Variants in PRKD1 observed in about 807,000 individuals in gnomAD.
PRKD1 encodes serine/threonine-protein kinase D1.
PRKD1 carries 63 observed loss-of-function variants against 95.9 expected under a neutral mutation model. The ratio of observed to expected loss-of-function variants is 0.66; its 90% CI spans 0.54 to 0.81. The LOEUF (loss-of-function observed/expected upper bound fraction) is 0.81, where lower values mean the gene tolerates loss of function less well. PRKD1 is among the 30% of genes least tolerant of loss of function. The probability of loss-of-function intolerance (pLI) is 0.00; values close to 1 mark genes in which losing one functional copy is unlikely to be tolerated. For missense variants in PRKD1, 1,048 were observed against 1,165.3 expected, an observed-to-expected ratio of 0.90 and a Z score of 1.47; for synonymous variants, 425 against 423.1, an observed-to-expected ratio of 1.00 and a Z score of -0.05.
intron 1 of PRKD1, among the ~76,000 whole-genome samples, chr14:29,849,577 C>A (rs72660432): frequency 0.21 from 28,838 of 139,052 alleles, 2,893 homozygotes; most frequent in South Asian, 0.26. Flanking sequence ...ACAACAACAA[C>A]AAAAAAAAAA....
intron 1 of PRKD1, among the ~76,000 whole-genome samples, chr14:29,799,705 A>G (rs955406837): frequency 6.6e-6 from 1 of 152,040 alleles, no homozygotes; most frequent in Admixed American, 6.6e-5. Flanking sequence ...TTATTTGCCA[A>G]TTCCTCATTT....
intron 1 of PRKD1, among the ~76,000 whole-genome samples, chr14:29,739,513 A>G (rs1172866458): frequency 2.0e-5 from 3 of 152,214 alleles, no homozygotes; most frequent in Non-Finnish European, 4.4e-5. Context: ...ATGGGAAAAG[A>G]TATCTAAGAC....
chr14:29,908,967 G>A (rs894141653), intron 1 of PRKD1, among the ~76,000 whole-genome samples: 3 of 152,208 alleles, frequency 2.0e-5, no homozygotes, highest in Non-Finnish European at 4.4e-5. Context: ...GTCAGAGCTG[G>A]CTCCCTCTGC....
At chr14:29,687,331 G>A (rs1333755789) in intron 2 of PRKD1, among the ~76,000 whole-genome samples, 1 of 152,190 alleles carries the variant, frequency 6.6e-6, no homozygotes, top group Admixed American at 6.5e-5. Context: ...GGAATCTTCA[G>A]ATTTTTGATG....
At chr14:29,772,304 C>A (rs1199570173) in intron 1 of PRKD1, among the ~76,000 whole-genome samples, 1 of 152,122 alleles carries the variant, frequency 6.6e-6, no homozygotes, top group African/African-American at 2.4e-5. Flanking sequence ...GTGATTAGTA[C>A]CCCTATAAAT....
intron 13 of PRKD1, among the ~76,000 whole-genome samples, chr14:29,603,162 T>A (rs1893583311): frequency 6.6e-6 from 1 of 152,230 alleles, no homozygotes; most frequent in Non-Finnish European, 1.5e-5. Flanking sequence ...CTTGCTCTTT[T>A]ATGAGCATAT....
chr14:29,793,172 A>G (rs1889624314), intron 1 of PRKD1, among the ~76,000 whole-genome samples: 1 of 152,034 alleles, frequency 6.6e-6, no homozygotes, highest in African/African-American at 2.4e-5. Flanking sequence ...TAGGAGCACT[A>G]TAATTTTATT....
chr14:29,745,916 T>A (rs1317984451), intron 1 of PRKD1, among the ~76,000 whole-genome samples: 1 of 152,210 alleles, frequency 6.6e-6, no homozygotes, highest in Non-Finnish European at 1.5e-5. Context: ...AGATTATCTC[T>A]CTTCCTATTC....
At chr14:29,718,315 G>A (rs1376581435) in intron 2 of PRKD1, among the ~76,000 whole-genome samples, 1 of 152,060 alleles carries the variant, frequency 6.6e-6, no homozygotes, top group Non-Finnish European at 1.5e-5. Flanking sequence ...TTTTCCCTGA[G>A]CTCTCACAGG....
rs747904605 is a variant in PRKD1 at position 29,850,489 on chromosome 14, C to T, written c.264+76760G>A. On this transcript the variant is annotated intron_variant, in intron 1 of 17. Transcript: ENST00000331968. ...ACACACACACACACACATATACACA[C>T]ACACACACAGTACCTAGGAATACAT... is the stretch of plus-strand genomic sequence containing the variant. Among the ~76,000 whole-genome samples, 85 of 151,534 alleles carry T rather than the reference C, an allele frequency of 5.6e-4. 1 individual carries two copies. Among genetic ancestry groups the T allele is most frequent in the Non-Finnish European group, 5.5e-4 (37 of 67,656 alleles).
chr14:29,879,654 C>A (rs896415137), intron 1 of PRKD1, among the ~76,000 whole-genome samples: 1 of 152,072 alleles, frequency 6.6e-6, no homozygotes, highest in Non-Finnish European at 1.5e-5. Flanking sequence ...TAGGTTGGAA[C>A]AGTTTGGAGG....
chr14:29,792,804 C>T (rs1889605288), intron 1 of PRKD1, among the ~76,000 whole-genome samples: 2 of 152,002 alleles, frequency 1.3e-5, no homozygotes, highest in Admixed American at 1.3e-4. Context: ...ATTATGGAAA[C>T]TAGACGGAAA....
chr14:29,841,529 A>G (rs559578217), intron 1 of PRKD1, among the ~76,000 whole-genome samples: 7 of 152,064 alleles, frequency 4.6e-5, no homozygotes, highest in Non-Finnish European at 7.4e-5. Flanking sequence ...TGGTTTTAAA[A>G]ACGGAAGTTT....
At chr14:29,640,300 A>G (rs1880674814) in intron 4 of PRKD1, among the ~76,000 whole-genome samples, 1 of 152,216 alleles carries the variant, frequency 6.6e-6, no homozygotes. Context: ...GATTACTGAT[A>G]AGACAGCAAT....
chr14:29,580,609 T>C (rs551658182), intron 16 of PRKD1, among the ~76,000 whole-genome samples: 2 of 152,280 alleles, frequency 1.3e-5, no homozygotes, highest in South Asian at 4.1e-4. Flanking sequence ...TTGAGAATTC[T>C]GTTCTGCTTG....
At chr14:29,647,633 G>A (rs1333225363) in intron 4 of PRKD1, among the ~76,000 whole-genome samples, 1 of 152,212 alleles carries the variant, frequency 6.6e-6, no homozygotes, top group Non-Finnish European at 1.5e-5. Context: ...CTGTGACACT[G>A]ATTACTACTG....
intron 4 of PRKD1, chr14:29,650,386 G>A (rs73255560): frequency 0.022 from 3,346 of 152,350 alleles, 111 homozygotes; most frequent in African/African-American, 0.071. Context: ...GAAGGGCACC[G>A]GGACATGGGA....
At chr14:29,676,716 G>C (rs1281142575) in intron 2 of PRKD1, among the ~76,000 whole-genome samples, 1 of 152,122 alleles carries the variant, frequency 6.6e-6, no homozygotes, top group African/African-American at 2.4e-5. Context: ...TTAAGGTAGG[G>C]GTGGATGAAA....
chr14:29,583,559 A>C (rs1433678785), intron 16 of PRKD1, among the ~76,000 whole-genome samples: 1 of 152,098 alleles, frequency 6.6e-6, no homozygotes, highest in African/African-American at 2.4e-5. Context: ...AGTCTTTCTA[A>C]CATTATTCTG....
Sources: allele counts gnomAD v4.1 joint callset (sites outside exome capture counted in the v4.1 genomes callset), GRCh38; gene constraint gnomAD v4.1.1; transcripts MANE v1.5; gene names NCBI Gene and HGNC (gene_info 2026-07-23, HGNC 2026-07-21).